The following HYCC1 variants were observed in gnomAD, a reference collection of about 807,000 sequenced individuals.
The protein encoded by HYCC1 is hyccin PI4KA lipid kinase complex subunit 1, also known as hyccin.
chr7:22,899,331 G>A, the HYCC1 span, among the ~76,000 whole-genome samples: 1 of 152,100 alleles, frequency 6.6e-6, no homozygotes, highest in Non-Finnish European at 1.5e-5. Context: ...ACAGCATGGG[G>A]GGCCTGGGGA....
At chr7:22,996,856 G>A in the HYCC1 span, among the ~76,000 whole-genome samples, 2 of 152,034 alleles carry the variant, frequency 1.3e-5, no homozygotes, top group African/African-American at 4.8e-5. Context: ...AACTCTGCAA[G>A]CTTTATAAAT....
chr7:22,929,159 C>T, the HYCC1 span, among the ~76,000 whole-genome samples: 28 of 151,908 alleles, frequency 1.8e-4, 1 homozygote, highest in East Asian at 1.7e-3. Context: ...TGAAACTGGA[C>T]CCCTTCCTTA....
At chr7:22,940,592 T>C in the HYCC1 span, 1 of 152,166 alleles carries the variant, frequency 6.6e-6, no homozygotes, top group Admixed American at 6.6e-5. Flanking sequence ...ATGCAATTCA[T>C]GTAATGCCAC....
chr7:22,978,375 A>T, the HYCC1 span: 1 of 1,614,064 alleles, frequency 6.2e-7, no homozygotes, highest in Admixed American at 1.7e-5. Context: ...GAGAAATTGC[A>T]GCGTAAATTG....
the HYCC1 span, chr7:22,934,212 T>C: frequency 2.7e-4 from 9 of 32,814 alleles, no homozygotes; most frequent in South Asian, 1.2e-3. Flanking sequence ...TTTTCTTTTT[T>C]TTTTTTTTTT....
At chr7:23,003,178 A>G in the HYCC1 span, among the ~76,000 whole-genome samples, 1 of 152,174 alleles carries the variant, frequency 6.6e-6, no homozygotes, top group Non-Finnish European at 1.5e-5. Flanking sequence ...AGCTGCAGTA[A>G]GCTAGGGTTC....
the HYCC1 span, among the ~76,000 whole-genome samples, chr7:22,911,948 T>C: frequency 6.6e-6 from 1 of 152,202 alleles, no homozygotes; most frequent in Non-Finnish European, 1.5e-5. Flanking sequence ...TGTTTGAAGC[T>C]TGGCTAGTGA....
At chr7:22,981,056 A>C in the HYCC1 span, among the ~76,000 whole-genome samples, 2 of 152,138 alleles carry the variant, frequency 1.3e-5, no homozygotes, top group Admixed American at 1.3e-4. Flanking sequence ...TTCAATCGCC[A>C]ACTTCCTCAG....
the HYCC1 span, among the ~76,000 whole-genome samples, chr7:22,925,295 G>A: frequency 6.6e-6 from 1 of 152,226 alleles, no homozygotes; most frequent in Non-Finnish European, 1.5e-5. Flanking sequence ...CCAAAGGAAC[G>A]CAGCTCCTCA....
At chr7:22,980,587 T>A in the HYCC1 span, among the ~76,000 whole-genome samples, 2 of 152,200 alleles carry the variant, frequency 1.3e-5, no homozygotes, top group Non-Finnish European at 2.9e-5. Context: ...TGTTCTTTAA[T>A]GACTAAGCAG....
At chr7:22,984,123 T>C in the HYCC1 span, 1 of 852,788 alleles carries the variant, frequency 1.2e-6, no homozygotes, top group Non-Finnish European at 1.9e-6. Flanking sequence ...AGAAAGTAAA[T>C]TAGTTGTTGC....
chr7:22,997,475 G>C, the HYCC1 span, among the ~76,000 whole-genome samples: 76 of 152,262 alleles, frequency 5.0e-4, no homozygotes, highest in Admixed American at 1.7e-3. Flanking sequence ...CCTATGCAAT[G>C]AGGCCATTGC....
At chr7:23,005,619 C>T in the HYCC1 span, among the ~76,000 whole-genome samples, 1 of 152,176 alleles carries the variant, frequency 6.6e-6, no homozygotes, top group South Asian at 2.1e-4. Context: ...TTCCTTAACC[C>T]CTTTTACAGT....
At chr7:22,896,721 T>C in the HYCC1 span, among the ~76,000 whole-genome samples, 1 of 152,212 alleles carries the variant, frequency 6.6e-6, no homozygotes, top group African/African-American at 2.4e-5. Flanking sequence ...CTTCCATCTG[T>C]ATTTTTTTTC....
the HYCC1 span, among the ~76,000 whole-genome samples, chr7:23,002,161 T>TATATATATACAA: frequency 5.0e-5 from 3 of 60,260 alleles, no homozygotes; most frequent in Non-Finnish European, 6.9e-5. Flanking sequence ...TATATATATA[T>TATATATATACAA]ATATATATAT....
At chr7:22,966,934 T>C in the HYCC1 span, among the ~76,000 whole-genome samples, 1 of 152,198 alleles carries the variant, frequency 6.6e-6, no homozygotes, top group Admixed American at 6.5e-5. Context: ...CAAAAATGTA[T>C]GCCCAAACTA....
At chr7:22,982,216 T>A in the HYCC1 span, among the ~76,000 whole-genome samples, 2 of 152,144 alleles carry the variant, frequency 1.3e-5, no homozygotes, top group African/African-American at 4.8e-5. Context: ...ATTTAAAAAG[T>A]AAAATCCTTC....
At chr7:22,937,824 T>G in the HYCC1 span, 2 of 152,190 alleles carry the variant, frequency 1.3e-5, no homozygotes, top group Non-Finnish European at 1.5e-5. Flanking sequence ...TTAACAAGTG[T>G]GAACCAAGTG....
At chr7:22,940,408 T>G in the HYCC1 span, 3 of 151,910 alleles carry the variant, frequency 2.0e-5, no homozygotes, top group Non-Finnish European at 4.4e-5. Flanking sequence ...CCCGCCACTA[T>G]GCCTGGCTAA....
Sources: gnomAD v4.1 joint callset for allele counts (sites outside exome capture counted in the v4.1 genomes callset) on GRCh38, gnomAD v4.1.1 for gene constraint, MANE v1.5 for transcripts, NCBI Gene and HGNC (gene_info 2026-07-23, HGNC 2026-07-21) for gene names.